Variants in THSD7B observed in about 807,000 individuals in gnomAD.
THSD7B encodes the protein thrombospondin type-1 domain-containing protein 7B.
THSD7B carries 138 observed loss-of-function variants against 213.6 expected under a neutral mutation model. That is an observed-to-expected ratio of 0.65 (90% CI 0.56 to 0.74). The LOEUF (loss-of-function observed/expected upper bound fraction) is 0.74. Among genes scored for constraint, THSD7B ranks in the 30% least tolerant of loss-of-function variants. The pLI, the probability that THSD7B is intolerant of heterozygous loss-of-function variation, is 0.00. For missense variants in THSD7B, 1,931 were observed against 1,991.5 expected (o/e 0.97, Z 0.58); for synonymous variants, 742 against 687.0 (o/e 1.08, Z -1.25).
Position 137,274,104 on chromosome 2 carries a change from GA to G in THSD7B, c.2396+1444del, listed in dbSNP as rs537781981. On this transcript the variant is annotated intron_variant, in intron 11 of 27. Transcript: ENST00000409968. ...CCCAAAAATCAGTTCTACTGTGTAT[GA>G]ATTGGATCATTGTGCCATTTTTCCT... 2.0e-3 allele frequency among the ~76,000 whole-genome samples: 298 copies of G among 152,144 alleles called. 5 individuals are homozygous for G. Among genetic ancestry groups the G allele is most frequent in the Non-Finnish European group, 1.1e-3 (72 of 67,978 alleles).
chr2:137,033,801 GTTA>G (rs1247444179), intron 2 of THSD7B, among the ~76,000 whole-genome samples: 1 of 151,288 alleles, frequency 6.6e-6, no homozygotes, highest in Non-Finnish European at 1.5e-5. Context: ...ACTTTTTTTT[GTTA>G]TTATACTTTA....
At chr2:137,300,698 T>C (rs1237769998) in intron 12 of THSD7B, among the ~76,000 whole-genome samples, 1 of 152,120 alleles carries the variant, frequency 6.6e-6, no homozygotes, top group Non-Finnish European at 1.5e-5. Flanking sequence ...GGAAGGCACA[T>C]GCTGGAAAAA....
chr2:136,769,597 G>A (rs1681469548), intron 1 of THSD7B, among the ~76,000 whole-genome samples: 1 of 152,224 alleles, frequency 6.6e-6, no homozygotes, highest in African/African-American at 2.4e-5. Flanking sequence ...ACTACTTTAA[G>A]TGTGTATATA....
At chr2:137,546,458 TATATAATATATATATATATA>T (rs1558834491) in intron 15 of THSD7B, among the ~76,000 whole-genome samples, 1,624 of 25,768 alleles carry the variant, frequency 0.063, 192 homozygotes, top group South Asian at 0.19. Flanking sequence ...ATATATATTA[TATATAATATATATATATATA>T]ATATATATAT....
At chr2:137,519,753 C>G (rs1680143951) in intron 15 of THSD7B, among the ~76,000 whole-genome samples, 1 of 152,194 alleles carries the variant, frequency 6.6e-6, no homozygotes. Context: ...CATCTGTCAT[C>G]AGGTAGGGAT....
At chr2:137,552,580 G>A (rs1448917) in intron 15 of THSD7B, among the ~76,000 whole-genome samples, 53,696 of 152,094 alleles carry the variant, frequency 0.35, 9,929 homozygotes, top group South Asian at 0.56. Context: ...GTTCTACACT[G>A]TATTATTGTG....
At chr2:137,279,804 G>A (rs1438478343) in intron 12 of THSD7B, among the ~76,000 whole-genome samples, 3 of 152,116 alleles carry the variant, frequency 2.0e-5, no homozygotes, top group East Asian at 1.9e-4. Context: ...ATGTCCACAT[G>A]CTAAGCATCA....
intron 2 of THSD7B, among the ~76,000 whole-genome samples, chr2:136,966,223 ATT>A (rs5834526): frequency 0.22 from 32,640 of 149,496 alleles, 4,465 homozygotes; most frequent in East Asian, 0.52. Flanking sequence ...CTTCCTAAAC[ATT>A]TTTTTTTTTT....
chr2:137,564,905 G>T (rs959985065), intron 16 of THSD7B, among the ~76,000 whole-genome samples: 1 of 152,082 alleles, frequency 6.6e-6, no homozygotes, highest in Non-Finnish European at 1.5e-5. Context: ...GTCTAAGTTA[G>T]AACCCTCAGT....
intron 10 of THSD7B, among the ~76,000 whole-genome samples, chr2:137,257,526 T>C (rs1393118816): frequency 6.6e-6 from 1 of 152,114 alleles, no homozygotes; most frequent in Non-Finnish European, 1.5e-5. Flanking sequence ...AGGGACAAAA[T>C]TTGAGGGTCC....
chr2:137,352,139 AG>A (rs1334145830), intron 12 of THSD7B, among the ~76,000 whole-genome samples: 1 of 151,254 alleles, frequency 6.6e-6, no homozygotes, highest in Non-Finnish European at 1.5e-5. Flanking sequence ...AAAAAAGAGA[AG>A]GGGGCAGGGG....
Position 137,231,220 on chromosome 2 carries a change from GCACT to G in THSD7B, c.1901_1904del (p.Ala634GlyfsTer45). The G allele has an allele frequency of 6.2e-7, 1 of 1,609,870 alleles. No homozygotes were observed. Among genetic ancestry groups the G allele is most frequent in the Non-Finnish European group, 8.5e-7 (1 of 1,177,714 alleles). The stretch of plus-strand genomic sequence containing the variant: ...ACAGACCAGGTCAAGAACTATCCTG[GCACT>G]GGCTGGGGAAGGTGAGTAACAGAAA... On this transcript the variant is annotated frameshift_variant, in exon 8 of 28. Coordinates refer to ENST00000409968, the MANE Select transcript of THSD7B (RefSeq NM_001316349.2). LOFTEE classifies it high-confidence loss of function.
At chr2:137,602,109 T>G (rs1682084875) in intron 17 of THSD7B, among the ~76,000 whole-genome samples, 4 of 152,332 alleles carry the variant, frequency 2.6e-5, no homozygotes, top group Admixed American at 2.6e-4. Flanking sequence ...CAATCCAAAT[T>G]ATCCTTCAAA....
rs563777094 is a variant in THSD7B at position 137,072,771 on chromosome 2, A to C, written c.950+15541A>C. On this transcript the variant is annotated intron_variant, in intron 3 of 27. Coordinates refer to ENST00000409968, the MANE Select transcript of THSD7B (RefSeq NM_001316349.2). ...TAGATAGCTCTTATTATTTTGAGATATGCCCCATCAATACCTAATTTATTG... is the reference window on the plus strand; with the variant it reads ...TAGATAGCTCTTATTATTTTGAGATCTGCCCCATCAATACCTAATTTATTG... Among the ~76,000 whole-genome samples the C allele has an allele frequency of 3.3e-5, 5 of 152,328 alleles. No homozygotes were observed. In the South Asian group the frequency reaches 8.3e-4, roughly 25 times the overall value.
intron 3 of THSD7B, among the ~76,000 whole-genome samples, chr2:137,088,090 A>C (rs1367776895): frequency 6.6e-6 from 1 of 152,034 alleles, no homozygotes; most frequent in Non-Finnish European, 1.5e-5. Flanking sequence ...AATACAAAAA[A>C]GTAGCCAGGA....
intron 7 of THSD7B, among the ~76,000 whole-genome samples, chr2:137,193,500 C>G (rs371158875): frequency 6.6e-6 from 1 of 152,016 alleles, no homozygotes; most frequent in African/African-American, 2.4e-5. Context: ...ATTCACCACA[C>G]GTAAGAGAAC....
At chr2:137,328,446 C>G (rs1337917316) in intron 12 of THSD7B, among the ~76,000 whole-genome samples, 1 of 152,056 alleles carries the variant, frequency 6.6e-6, no homozygotes, top group East Asian at 1.9e-4. Context: ...GATAATTATC[C>G]TTTTATTTTT....
In THSD7B at chr2:137,374,160, G is replaced by C. The variant is rs186520889; in HGVS notation, c.2501-31453G>C. On this transcript the variant is annotated intron_variant, in intron 12 of 27. Coordinates refer to ENST00000409968, the MANE Select transcript of THSD7B (RefSeq NM_001316349.2). The stretch of plus-strand genomic sequence containing the variant: ...TAGCTCTGTGGCATGAGGGGAGGGA[G>C]GGAGGGAGAGAGAGAGAGCTGGGAA... Among the ~76,000 whole-genome samples, 567 of 152,096 alleles carry C rather than the reference G, an allele frequency of 3.7e-3. 2 individuals carry two copies. The highest frequency in any genetic ancestry group is 8.9e-3 in the Admixed American group (136 of 15,246).
intron 10 of THSD7B, among the ~76,000 whole-genome samples, chr2:137,270,580 T>A (rs1030031341): frequency 7.2e-5 from 11 of 152,132 alleles, no homozygotes; most frequent in African/African-American, 2.7e-4. Context: ...AGAACATTAA[T>A]GGGTAAGACC....
Sources: gnomAD v4.1 joint callset for allele counts (sites outside exome capture counted in the v4.1 genomes callset) on GRCh38, gnomAD v4.1.1 for gene constraint, MANE v1.5 for transcripts, NCBI Gene and HGNC (gene_info 2026-07-23, HGNC 2026-07-21) for gene names.